MARCHF1: variants seen among roughly 807,000 people sequenced by gnomAD.
MARCHF1 encodes membrane associated ring-CH-type finger 1, also known as E3 ubiquitin-protein ligase MARCHF1.
Under a neutral mutation model 54.2 loss-of-function variants are expected in MARCHF1, and 40 were observed. The ratio of observed to expected loss-of-function variants is 0.74; its 90% CI spans 0.57 to 0.96. The LOEUF (loss-of-function observed/expected upper bound fraction) is 0.96. Among genes scored for constraint, MARCHF1 ranks in the 40% least tolerant of loss-of-function variants. The probability of loss-of-function intolerance (pLI) is 0.00; values close to 1 mark genes in which losing one functional copy is unlikely to be tolerated. For synonymous variants in MARCHF1, 236 were observed against 236.3 expected, an observed-to-expected ratio of 1.00 and a Z score of 0.01; for missense variants, 586 against 656.5, an observed-to-expected ratio of 0.89 and a Z score of 1.17.
chr4:163,725,118 G>T (rs978776487), intron 4 of MARCHF1, among the ~76,000 whole-genome samples: 1 of 152,090 alleles, frequency 6.6e-6, no homozygotes, highest in South Asian at 2.1e-4. Context: ...CTGTAGGCTG[G>T]AGCTGTTCGT....
intron 7 of MARCHF1, among the ~76,000 whole-genome samples, chr4:163,587,544 C>CT (rs1158893741): frequency 6.6e-6 from 1 of 152,116 alleles, no homozygotes; most frequent in African/African-American, 2.4e-5. Flanking sequence ...CATATTCTCA[C>CT]TTATAAGTAG....
In MARCHF1 at chr4:163,609,560, C is replaced by T. The variant is rs181461490; in HGVS notation, c.1010+2711G>A. ...TTTATCAGAGACACTGGTGACTACA[C>T]TGTGTATGTGACTTCATTAAGCCTA... On this transcript the variant is annotated intron_variant, in intron 7 of 9. Coordinates refer to ENST00000514618, the MANE Select transcript of MARCHF1 (RefSeq NM_001394959.1). 8.4e-4 allele frequency among the ~76,000 whole-genome samples: 128 copies of T among 151,970 alleles called. 2 individuals are homozygous for T. The highest frequency in any genetic ancestry group is 2.9e-3 in the African/African-American group (120 of 41,470).
intron 3 of MARCHF1, among the ~76,000 whole-genome samples, chr4:163,909,142 T>C (rs1303234390): frequency 6.6e-6 from 1 of 152,184 alleles, no homozygotes; most frequent in Non-Finnish European, 1.5e-5. Context: ...GAGTATAATA[T>C]CCTTCTTTAA....
At chr4:164,165,362 G>GTCTCTCTCTCTC (rs55721102) in intron 1 of MARCHF1, among the ~76,000 whole-genome samples, 4,250 of 148,680 alleles carry the variant, frequency 0.029, 204 homozygotes, top group African/African-American at 0.098. Flanking sequence ...TTTTCTCTCT[G>GTCTCTCTCTCTC]TCTCTCTCTC....
chr4:163,727,184 A>G (rs1420803387), intron 4 of MARCHF1, among the ~76,000 whole-genome samples: 1 of 152,232 alleles, frequency 6.6e-6, no homozygotes, highest in African/African-American at 2.4e-5. Context: ...ATCCTGTAAA[A>G]ATAGTGGCTG....
intron 1 of MARCHF1, among the ~76,000 whole-genome samples, chr4:164,301,392 T>A (rs1734557635): frequency 6.6e-6 from 1 of 152,174 alleles, no homozygotes; most frequent in African/African-American, 2.4e-5. Context: ...AGCCATCAGT[T>A]TACACAAGGA....
rs1752484809 is a variant in MARCHF1 at position 163,968,392 on chromosome 4, AAT to A, written c.-39+20107_-39+20108del. Among the ~76,000 whole-genome samples the A allele has an allele frequency of 4.6e-5, 7 of 152,270 alleles. No individual in the cohort carries two copies. The South Asian group carries it at 1.5e-3, about 32-fold the overall frequency. On this transcript the variant is annotated intron_variant, in intron 3 of 9. Transcript: ENST00000514618. Reference sequence around the variant, plus strand: ...TTTAGACTGAGATTTCTACGTGGCCAATTTCTAAAATCGGCATTTGGAAATGC... The same window carrying A: ...TTTAGACTGAGATTTCTACGTGGCCATTCTAAAATCGGCATTTGGAAATGC...
intron 7 of MARCHF1, among the ~76,000 whole-genome samples, chr4:163,598,768 A>T (rs1740853200): frequency 1.3e-5 from 2 of 152,242 alleles, no homozygotes; most frequent in African/African-American, 4.8e-5. Context: ...ACACTACTTT[A>T]GACTTTATAA....
chr4:163,957,214 A>T (rs1404682762), intron 3 of MARCHF1, among the ~76,000 whole-genome samples: 2 of 152,048 alleles, frequency 1.3e-5, no homozygotes, highest in Non-Finnish European at 2.9e-5. Context: ...ATTCTAAATC[A>T]TGCATTAAAT....
chr4:164,206,218 C>T (rs1199878572), intron 1 of MARCHF1, among the ~76,000 whole-genome samples: 1 of 152,168 alleles, frequency 6.6e-6, no homozygotes, highest in East Asian at 1.9e-4. Flanking sequence ...AGGCAGATCA[C>T]CTGAGGTCAG....
intron 1 of MARCHF1, among the ~76,000 whole-genome samples, chr4:164,139,574 AG>A (rs1205228602): frequency 6.6e-6 from 1 of 152,086 alleles, no homozygotes. Context: ...GGGAAAGTAC[AG>A]TTATGTGGTA....
intron 2 of MARCHF1, among the ~76,000 whole-genome samples, chr4:164,057,447 C>A (rs1004344124): frequency 4.6e-5 from 7 of 152,152 alleles, no homozygotes; most frequent in African/African-American, 1.4e-4. Context: ...ATTTTATAAT[C>A]TCCTTCATGT....
At chr4:163,867,491 C>G (rs114269960) in intron 3 of MARCHF1, among the ~76,000 whole-genome samples, 6 of 151,552 alleles carry the variant, frequency 4.0e-5, no homozygotes, top group African/African-American at 1.2e-4. Flanking sequence ...TAATAATAAA[C>G]TTATTATATA....
chr4:164,311,134 A>G (rs1398639002), intron 1 of MARCHF1, among the ~76,000 whole-genome samples: 1 of 152,174 alleles, frequency 6.6e-6, no homozygotes, highest in Non-Finnish European at 1.5e-5. Flanking sequence ...CTAACAGGTG[A>G]GTGCTCTTGA....
At chr4:163,944,319 T>G (rs973164058) in intron 3 of MARCHF1, among the ~76,000 whole-genome samples, 9 of 152,104 alleles carry the variant, frequency 5.9e-5, no homozygotes, top group Non-Finnish European at 1.3e-4. Flanking sequence ...GTTGTCTAGC[T>G]GCAGTCAGTG....
chr4:163,966,878 T>C (rs1752453548), intron 3 of MARCHF1, among the ~76,000 whole-genome samples: 1 of 152,104 alleles, frequency 6.6e-6, no homozygotes, highest in African/African-American at 2.4e-5. Context: ...ATTGCAGACA[T>C]GTAAAACAAG....
chr4:163,582,511 A>T (rs1371830265), intron 8 of MARCHF1, among the ~76,000 whole-genome samples: 1 of 152,194 alleles, frequency 6.6e-6, no homozygotes, highest in African/African-American at 2.4e-5. Flanking sequence ...TTGTCTATGA[A>T]GATTTGCACC....
At chr4:163,777,621 T>C (rs993519603) in intron 4 of MARCHF1, among the ~76,000 whole-genome samples, 1 of 152,186 alleles carries the variant, frequency 6.6e-6, no homozygotes, top group Non-Finnish European at 1.5e-5. Context: ...TTATTTGTTT[T>C]GGCAGGTTTG....
At chr4:164,190,054 C>G (rs1731083953) in intron 1 of MARCHF1, 1 of 1,373,302 alleles carries the variant, frequency 7.3e-7, no homozygotes, top group African/African-American at 1.4e-5. Flanking sequence ...TGCATTGATA[C>G]TACAAATGAG....
Sources: gnomAD v4.1 joint callset for allele counts (sites outside exome capture counted in the v4.1 genomes callset) on GRCh38, gnomAD v4.1.1 for gene constraint, MANE v1.5 for transcripts, NCBI Gene and HGNC (gene_info 2026-07-23, HGNC 2026-07-21) for gene names.